MAGI2: variants seen among roughly 807,000 people sequenced by gnomAD.
The protein encoded by MAGI2 is membrane-associated guanylate kinase, WW and PDZ domain-containing protein 2.
A neutral mutation model predicts 133.3 loss-of-function variants in MAGI2; 35 were observed. The observed-to-expected ratio is 0.26, with a 90% confidence interval of 0.20 to 0.35. The LOEUF (loss-of-function observed/expected upper bound fraction) is 0.35, where lower values mean the gene tolerates loss of function less well. Ranked by LOEUF, MAGI2 falls within the 10% of genes least tolerant of loss-of-function variation. MAGI2 has a pLI of 1.00. For synonymous variants in MAGI2, 729 were observed against 710.6 expected (o/e 1.03, Z -0.41); for missense variants, 1,636 against 1,863.4 (o/e 0.88, Z 2.25).
chr7:79,029,401 T>G (rs964827989), intron 1 of MAGI2, among the ~76,000 whole-genome samples: 10 of 152,102 alleles, frequency 6.6e-5, no homozygotes, highest in African/African-American at 2.4e-4. Context: ...GATGGGGTAT[T>G]TAAGATAGAA....
At chr7:78,807,494 C>T (rs1788679766) in intron 2 of MAGI2, among the ~76,000 whole-genome samples, 1 of 151,794 alleles carries the variant, frequency 6.6e-6, no homozygotes, top group African/African-American at 2.4e-5. Flanking sequence ...GTCATATAGC[C>T]CCTGGAAAAG....
At chr7:78,156,125 T>A in intron 16 of MAGI2, among the ~76,000 whole-genome samples, 1 of 152,138 alleles carries the variant, frequency 6.6e-6, no homozygotes, top group Non-Finnish European at 1.5e-5. Flanking sequence ...TTTTATAGCT[T>A]ATTGGCTTGT....
chr7:78,065,763 T>C (rs1813742245), intron 21 of MAGI2: 1 of 474,688 alleles, frequency 2.1e-6, no homozygotes, highest in African/African-American at 2.0e-5. Context: ...GCTTAGTATG[T>C]TTAGAGCAGT....
At chr7:79,316,230 T>C (rs1838712471) in intron 1 of MAGI2, among the ~76,000 whole-genome samples, 1 of 152,054 alleles carries the variant, frequency 6.6e-6, no homozygotes. Context: ...TTTCTCTTAT[T>C]TCATCATCAT....
At chr7:78,406,502 T>A (rs1318311746) in intron 6 of MAGI2, among the ~76,000 whole-genome samples, 1 of 152,070 alleles carries the variant, frequency 6.6e-6, no homozygotes, top group South Asian at 2.1e-4. Flanking sequence ...AAAAATATGA[T>A]TTTAAATGGT....
At chr7:78,655,696 G>T (rs1043520996) in intron 2 of MAGI2, among the ~76,000 whole-genome samples, 2 of 151,968 alleles carry the variant, frequency 1.3e-5, no homozygotes, top group African/African-American at 4.8e-5. Flanking sequence ...AAGAAAAGAG[G>T]TTTGGCCGGG....
rs918478839 is a variant in MAGI2 at position 79,337,413 on chromosome 7, G to C, written c.301+115607C>G. Among the ~76,000 whole-genome samples the C allele has an allele frequency of 4.4e-4, 67 of 152,178 alleles. 1 individual carries two copies. Among genetic ancestry groups the C allele is most frequent in the Non-Finnish European group, 2.9e-4 (20 of 68,022 alleles). ...CAGACTACCAAATTAAATATTGTGT[G>C]CACATTCCTATACATGTCCAGAGTT... On this transcript the variant is annotated intron_variant, in intron 1 of 21. Coordinates refer to ENST00000354212, the MANE Select transcript of MAGI2 (RefSeq NM_012301.4).
chr7:78,153,390 G>A (rs569436556), intron 16 of MAGI2, among the ~76,000 whole-genome samples: 10 of 152,310 alleles, frequency 6.6e-5, no homozygotes, highest in East Asian at 3.9e-4. Flanking sequence ...AGGACCAGGC[G>A]TAGAGCCTCC....
chr7:78,668,084 T>G lies in MAGI2; in HGVS notation c.419-40845A>C, dbSNP rs577460042. 5.3e-5 allele frequency among the ~76,000 whole-genome samples: 8 copies of G among 152,296 alleles called. No individual in the cohort carries two copies. In the South Asian group the frequency reaches 1.7e-3, roughly 32 times the overall value. Reference sequence around the variant, plus strand: ...TTCCTGACTTTTTAGTGATTGCCATTCTAACTGGTGTGAGATGGTATCTCA... The same window carrying G: ...TTCCTGACTTTTTAGTGATTGCCATGCTAACTGGTGTGAGATGGTATCTCA... On this transcript the variant is annotated intron_variant, in intron 2 of 21. Coordinates refer to ENST00000354212, the MANE Select transcript of MAGI2 (RefSeq NM_012301.4).
intron 1 of MAGI2, chr7:79,125,297 T>C (rs1308690800): frequency 2.4e-5 from 11 of 460,014 alleles, no homozygotes; most frequent in Non-Finnish European, 4.6e-5. Flanking sequence ...AGATGGCTAG[T>C]GCTTCATCTA....
intron 10 of MAGI2, among the ~76,000 whole-genome samples, chr7:78,203,300 G>A (rs1051490569): frequency 2.0e-5 from 3 of 152,122 alleles, no homozygotes; most frequent in African/African-American, 7.2e-5. Context: ...CCTCTTAATG[G>A]TGCTCTCATC....
chr7:79,041,941 C>T (rs890916207), intron 1 of MAGI2, among the ~76,000 whole-genome samples: 6 of 151,920 alleles, frequency 3.9e-5, no homozygotes, highest in Non-Finnish European at 8.8e-5. Context: ...CAAATTTAGG[C>T]AAGCCAAGAT....
At chr7:78,538,529 A>G (rs994214441) in intron 3 of MAGI2, among the ~76,000 whole-genome samples, 1 of 152,164 alleles carries the variant, frequency 6.6e-6, no homozygotes, top group Non-Finnish European at 1.5e-5. Flanking sequence ...TTTTCCTTGT[A>G]GAGATCTTTT....
At chr7:79,031,364 T>C (rs1246545251) in intron 1 of MAGI2, among the ~76,000 whole-genome samples, 1 of 152,204 alleles carries the variant, frequency 6.6e-6, no homozygotes, top group African/African-American at 2.4e-5. Context: ...AGTTATTCCA[T>C]AGGTATTGCT....
intron 6 of MAGI2, among the ~76,000 whole-genome samples, chr7:78,412,729 A>G (rs2151381076): frequency 6.6e-6 from 1 of 152,192 alleles, no homozygotes; most frequent in Admixed American, 6.6e-5. Context: ...ACAAAAGAGC[A>G]CTTCCAAAAT....
In MAGI2 at chr7:79,399,079, C is replaced by CTTTTCTTTTTTTTTTTTTTTT. The variant is rs1585840184; in HGVS notation, c.301+53940_301+53941insAAAAAAAAAAAAAAAAGAAAA. On this transcript the variant is annotated intron_variant, in intron 1 of 21. Coordinates refer to ENST00000354212, the MANE Select transcript of MAGI2 (RefSeq NM_012301.4). ...CATCTTCAATTCACTAGTATTATTT[C>CTTTTCTTTTTTTTTTTTTTTT]TTTTTTTTTTCTTTTCTTTTTTTTT... Among the ~76,000 whole-genome samples, 38 of 114,644 alleles carry CTTTTCTTTTTTTTTTTTTTTT rather than the reference C, an allele frequency of 3.3e-4. 5 individuals carry two copies. Among genetic ancestry groups the CTTTTCTTTTTTTTTTTTTTTT allele is most frequent in the East Asian group, 2.1e-3 (7 of 3,412 alleles). 75.2% of individuals were successfully genotyped at this position (114,644 alleles called of 152,430 possible). A position where few individuals can be genotyped will look rare whatever the true frequency, so the allele number is the denominator to read the frequency against.
intron 9 of MAGI2, among the ~76,000 whole-genome samples, chr7:78,287,545 AAC>A (rs1251595482): frequency 6.6e-6 from 1 of 152,180 alleles, no homozygotes; most frequent in Non-Finnish European, 1.5e-5. Flanking sequence ...ATGTAGTTAA[AAC>A]ACAAATAAGT....
intron 1 of MAGI2, among the ~76,000 whole-genome samples, chr7:79,402,257 G>A (rs1291039923): frequency 6.6e-6 from 1 of 152,004 alleles, no homozygotes; most frequent in Non-Finnish European, 1.5e-5. Flanking sequence ...TTTTAAAATT[G>A]CAATTTTAAT....
At chr7:78,758,432 T>C (rs1001657611) in intron 2 of MAGI2, among the ~76,000 whole-genome samples, 2 of 152,156 alleles carry the variant, frequency 1.3e-5, no homozygotes, top group African/African-American at 4.8e-5. Context: ...CAGAATTGAG[T>C]GCACTTATGA....
Sources: gnomAD v4.1 joint callset for allele counts (sites outside exome capture counted in the v4.1 genomes callset) on GRCh38, gnomAD v4.1.1 for gene constraint, MANE v1.5 for transcripts, NCBI Gene and HGNC (gene_info 2026-07-23, HGNC 2026-07-21) for gene names.